Variants in DIP2B observed in about 807,000 individuals in gnomAD.
DIP2B encodes DIP2 acetate--CoA ligase B (putative).
DIP2B carries 76 observed loss-of-function variants against 198.0 expected under a neutral mutation model. The ratio of observed to expected loss-of-function variants is 0.38; its 90% CI spans 0.32 to 0.46. The LOEUF is 0.46. DIP2B is among the 20% of genes least tolerant of loss of function. The pLI, the probability that DIP2B is intolerant of heterozygous loss-of-function variation, is 0.99. For missense variants in DIP2B, 1,559 were observed against 1,978.4 expected (o/e 0.79, Z 4.02); for synonymous variants, 701 against 739.1 (o/e 0.95, Z 0.84).
intron 12 of DIP2B, among the ~76,000 whole-genome samples, chr12:50,689,192 G>A (rs563214022): frequency 1.1e-3 from 175 of 152,244 alleles, no homozygotes; most frequent in Non-Finnish European, 2.2e-3. Flanking sequence ...GAGCTCAGGA[G>A]TTCGAGACGA....
intron 14 of DIP2B, among the ~76,000 whole-genome samples, chr12:50,694,549 A>G (rs1490542636): frequency 9.3e-6 from 1 of 108,082 alleles, no homozygotes; most frequent in African/African-American, 3.0e-5. Flanking sequence ...ACATACATAC[A>G]TACATACATA....
intron 1 of DIP2B, among the ~76,000 whole-genome samples, chr12:50,573,590 C>T (rs1009434953): frequency 6.6e-6 from 1 of 152,200 alleles, no homozygotes; most frequent in African/African-American, 2.4e-5. Flanking sequence ...TAGAAAAGCC[C>T]ATTGTAGCAC....
At chr12:50,687,575 G>T (rs748331847) in intron 12 of DIP2B, among the ~76,000 whole-genome samples, 1 of 152,152 alleles carries the variant, frequency 6.6e-6, no homozygotes, top group East Asian at 1.9e-4. Flanking sequence ...ATGAGTTCAT[G>T]TCCTTTGCAG....
At chr12:50,667,040 T>G (rs1938766906) in intron 4 of DIP2B, among the ~76,000 whole-genome samples, 6 of 152,182 alleles carry the variant, frequency 3.9e-5, no homozygotes, top group Admixed American at 3.9e-4. Flanking sequence ...AGCTAAGTTT[T>G]GCATTTTTTG....
intron 27 of DIP2B, among the ~76,000 whole-genome samples, chr12:50,723,822 G>A (rs1168517039): frequency 6.6e-6 from 1 of 152,094 alleles, no homozygotes; most frequent in Non-Finnish European, 1.5e-5. Flanking sequence ...AAATTATCTA[G>A]GCGATTTTAA....
chr12:50,613,961 C>A (rs1937650212), intron 1 of DIP2B, among the ~76,000 whole-genome samples: 2 of 152,086 alleles, frequency 1.3e-5, no homozygotes, highest in Admixed American at 1.3e-4. Flanking sequence ...TAATAGCTGT[C>A]TTTGTAACTT....
intron 17 of DIP2B, among the ~76,000 whole-genome samples, chr12:50,697,922 G>T (rs1228184417): frequency 6.6e-6 from 1 of 151,980 alleles, no homozygotes; most frequent in Non-Finnish European, 1.5e-5. Context: ...ATTTTTGAGA[G>T]ATGGGGTCTT....
chr12:50,572,280 A>G lies in DIP2B; in HGVS notation c.101-53696A>G, dbSNP rs570241615. Among the ~76,000 whole-genome samples, 37 of 152,360 alleles carry G rather than the reference A, an allele frequency of 2.4e-4. No homozygotes were observed. In the South Asian group the frequency reaches 4.3e-3, roughly 18 times the overall value. On this transcript the variant is annotated intron_variant, in intron 1 of 37. Coordinates refer to ENST00000301180, the MANE Select transcript of DIP2B (RefSeq NM_173602.3). ...ACCACAGTTTCCTCAAACTTTGTTG[A>G]GTACATGCCCTCCTCCCTTTTAAAA...
At chr12:50,507,536 T>A (rs1322910192) in intron 1 of DIP2B, among the ~76,000 whole-genome samples, 1 of 152,212 alleles carries the variant, frequency 6.6e-6, no homozygotes, top group Non-Finnish European at 1.5e-5. Flanking sequence ...TGTCTTTTTT[T>A]GTTTTAGATG....
chr12:50,506,462 A>C (rs1228018266), intron 1 of DIP2B, among the ~76,000 whole-genome samples: 2 of 152,248 alleles, frequency 1.3e-5, no homozygotes, highest in Non-Finnish European at 2.9e-5. Context: ...GAATGTTATA[A>C]ATCCTGTTGG....
Position 50,728,671 on chromosome 12 carries a change from C to G in DIP2B, c.3634C>G (p.Leu1212Val). Residue 1212 changes from leucine to valine, a missense_variant, in exon 30 of 38, where the codon CTC becomes GTC. Coordinates refer to ENST00000301180, the MANE Select transcript of DIP2B (RefSeq NM_173602.3). ...TGGACTTGGCTTCGCGCTCTGGTGT[C>G]TCTGCAGGTAGGGATGGAAAAGCCA... is the stretch of plus-strand genomic sequence containing the variant. Reference protein sequence around the residue: ...YCGLGFALWCLCSVYSGHQSV... With the variant: ...YCGLGFALWCVCSVYSGHQSV... 1 of 1,613,792 alleles carries G rather than the reference C, an allele frequency of 6.2e-7. No homozygotes were observed. The highest frequency in any genetic ancestry group is 1.1e-5 in the South Asian group (1 of 91,012).
intron 7 of DIP2B, among the ~76,000 whole-genome samples, chr12:50,676,348 TA>T (rs1938945761): frequency 6.6e-6 from 1 of 152,216 alleles, no homozygotes; most frequent in South Asian, 2.1e-4. Context: ...TTAATAGAAT[TA>T]GGTACATTGG....
chr12:50,586,061 G>A (rs540161598), intron 1 of DIP2B, among the ~76,000 whole-genome samples: 6 of 152,318 alleles, frequency 3.9e-5, no homozygotes, highest in Non-Finnish European at 7.3e-5. Context: ...CCTAGATGTG[G>A]CCCATTTACT....
At chr12:50,655,043 A>C (rs748356662) in intron 3 of DIP2B, 12 of 453,210 alleles carry the variant, frequency 2.6e-5, no homozygotes, top group African/African-American at 2.4e-4. Context: ...CTCTGAAGGT[A>C]AGCCCTGATT....
At chr12:50,738,009 T>G (rs1940169287) in intron 35 of DIP2B, among the ~76,000 whole-genome samples, 1 of 152,112 alleles carries the variant, frequency 6.6e-6, no homozygotes, top group Non-Finnish European at 1.5e-5. Flanking sequence ...TTGGACAGGT[T>G]AATTTCTTGG....
chr12:50,644,182 G>A (rs1241075632), intron 3 of DIP2B, among the ~76,000 whole-genome samples: 1 of 152,156 alleles, frequency 6.6e-6, no homozygotes, highest in East Asian at 1.9e-4. Context: ...CTTTAGCCAA[G>A]AGGGAGCTTA....
chr12:50,626,848 T>C (rs1452772691), intron 2 of DIP2B, among the ~76,000 whole-genome samples: 1 of 152,062 alleles, frequency 6.6e-6, no homozygotes, highest in Non-Finnish European at 1.5e-5. Context: ...ATAGTAAGCT[T>C]TGCACAGGGT....
At chr12:50,612,466 C>A (rs1356548755) in intron 1 of DIP2B, among the ~76,000 whole-genome samples, 1 of 143,780 alleles carries the variant, frequency 7.0e-6, no homozygotes, top group Admixed American at 7.2e-5. Context: ...CTTGCTCTGT[C>A]CCCCCAGGCT....
intron 1 of DIP2B, among the ~76,000 whole-genome samples, chr12:50,567,733 G>C (rs1241770421): frequency 6.6e-6 from 1 of 152,108 alleles, no homozygotes; most frequent in Admixed American, 6.6e-5. Context: ...TCGCAGTGTT[G>C]GCCAGGCTGG....
Sources: gnomAD v4.1 joint callset for allele counts (sites outside exome capture counted in the v4.1 genomes callset) on GRCh38, gnomAD v4.1.1 for gene constraint, MANE v1.5 for transcripts, NCBI Gene and HGNC (gene_info 2026-07-23, HGNC 2026-07-21) for gene names.